Variants in USO1 observed in about 807,000 individuals in gnomAD.
USO1 encodes general vesicular transport factor p115.
A neutral mutation model predicts 124.5 loss-of-function variants in USO1; 57 were observed. The observed-to-expected ratio is 0.46, with a 90% CI of 0.37 to 0.57. The LOEUF (loss-of-function observed/expected upper bound fraction) is 0.57, where lower values mean the gene tolerates loss of function less well. Among genes scored for constraint, USO1 ranks in the 20% least tolerant of loss-of-function variants. USO1 has a pLI of 0.00. For missense variants in USO1, 900 were observed against 1,040.6 expected, an observed-to-expected ratio of 0.86 and a Z score of 1.86; for synonymous variants, 369 against 362.8, an observed-to-expected ratio of 1.02 and a Z score of -0.19.
At chr4:75,760,709 T>A (rs868277116) in intron 4 of USO1, 1 of 392,148 alleles carries the variant, frequency 2.6e-6, no homozygotes. Context: ...AAAAAAAAAA[T>A]CTGAAATTTG....
chr4:75,788,507 A>G (rs1434276253), intron 10 of USO1, among the ~76,000 whole-genome samples: 4 of 149,300 alleles, frequency 2.7e-5, no homozygotes, highest in Admixed American at 2.7e-4. Context: ...TGGTTCATTA[A>G]CTTTATTTTT....
chr4:75,803,534 C>T (rs967978861), intron 17 of USO1, among the ~76,000 whole-genome samples: 13 of 151,516 alleles, frequency 8.6e-5, no homozygotes, highest in Non-Finnish European at 1.8e-4. Context: ...CCTGTAATCC[C>T]AGCTACTCAG....
Position 75,782,730 on chromosome 4 carries a change from A to G in USO1, c.727A>G (p.Asn243Asp). The G allele has an allele frequency of 1.9e-6, 3 of 1,578,750 alleles. No homozygotes were observed. Among genetic ancestry groups the G allele is most frequent in the Non-Finnish European group, 2.6e-6 (3 of 1,162,098 alleles). The change falls in exon 9 of 24, where the codon AAC (asparagine) becomes GAC (aspartate). Residue 243 changes from asparagine to aspartate, a missense_variant. Transcript: ENST00000514213. ...TTTGCTCCAAAACTTATTAAAAAAC[A>G]ACAACTCCAATCAAAATTTTTTTAA... ...LILLQNLLKN[N>D]NSNQNFFKEG...
chr4:75,766,138 G>C (rs1456499503), intron 4 of USO1, among the ~76,000 whole-genome samples: 2 of 151,938 alleles, frequency 1.3e-5, no homozygotes, highest in African/African-American at 4.8e-5. Context: ...TTTTTTGATA[G>C]ATTGCATATA....
intron 4 of USO1, among the ~76,000 whole-genome samples, chr4:75,766,500 G>C (rs933602394): frequency 6.6e-6 from 1 of 152,148 alleles, no homozygotes; most frequent in African/African-American, 2.4e-5. Flanking sequence ...CGTCTAGTGG[G>C]TAAGGCCAGG....
chr4:75,790,745 C>A lies in USO1; in HGVS notation c.1188C>A (p.Asn396Lys). 1.2e-6 allele frequency: 2 copies of A among 1,612,442 alleles called. No individual in the cohort carries two copies. Among genetic ancestry groups the A allele is most frequent in the Non-Finnish European group, 1.7e-6 (2 of 1,179,232 alleles). The change falls in exon 12 of 24, where the codon AAC becomes AAA. Residue 396 changes from asparagine to lysine, a missense_variant. By Grantham distance (94) the Asn-to-Lys change is moderately conservative (BLOSUM62 0). This residue lies in a region of USO1 where 538 missense variants were observed against 681.6 expected (regional missense o/e 0.79). Coordinates refer to ENST00000514213, the MANE Select transcript of USO1 (RefSeq NM_003715.4). The stretch of plus-strand genomic sequence containing the variant: ...GTTTCCAGTGTTTCTTGTATAAAAA[C>A]CAAAAAGGACAAGGAGAAATCGTGT... ...LYCFQCFLYKNQKGQGEIVST... is the reference protein window; with the variant it reads ...LYCFQCFLYKKQKGQGEIVST...
intron 6 of USO1, 63 bp downstream of exon 6, chr4:75,770,987 GGGACT>G: frequency 6.3e-7 from 1 of 1,596,996 alleles, no homozygotes; most frequent in Non-Finnish European, 8.5e-7. Flanking sequence ...CCTAGAGAAA[GGGACT>G]GAAATGGTGT....
At chr4:75,727,865 C>G (rs1720509992) in intron 1 of USO1, among the ~76,000 whole-genome samples, 1 of 152,060 alleles carries the variant, frequency 6.6e-6, no homozygotes, top group Admixed American at 6.6e-5. Context: ...CTGTACTTTC[C>G]CCCAGCACGT....
chr4:75,746,406 G>T (rs1473019657), intron 1 of USO1, among the ~76,000 whole-genome samples: 1 of 152,214 alleles, frequency 6.6e-6, no homozygotes, highest in Admixed American at 6.5e-5. Context: ...AATGGACAAT[G>T]TGGCACAATT....
intron 7 of USO1, among the ~76,000 whole-genome samples, chr4:75,773,082 G>A (rs1338951551): frequency 1.3e-5 from 2 of 152,020 alleles, no homozygotes; most frequent in African/African-American, 4.8e-5. Flanking sequence ...TGGGCAACAA[G>A]AAAGTAACTC....
intron 13 of USO1, among the ~76,000 whole-genome samples, chr4:75,794,152 T>G (rs570438895): frequency 1.9e-4 from 29 of 152,180 alleles, no homozygotes; most frequent in African/African-American, 5.8e-4. Flanking sequence ...ATTTTGAGGG[T>G]TTTGTCTTGT....
intron 1 of USO1, 103 bp downstream of exon 1, chr4:75,724,988 G>T: frequency 7.5e-7 from 1 of 1,326,096 alleles, no homozygotes; most frequent in South Asian, 1.3e-5. Flanking sequence ...CACCATGGAG[G>T]GGGCATCCAC....
At chr4:75,726,152 A>G (rs1485384461) in intron 1 of USO1, among the ~76,000 whole-genome samples, 1 of 152,098 alleles carries the variant, frequency 6.6e-6, no homozygotes, top group Non-Finnish European at 1.5e-5. Context: ...GTGGTGGCAC[A>G]TGCCTGTAAT....
At chr4:75,724,998 C>T (rs1267940062) in intron 1 of USO1, 113 bp downstream of exon 1, 11 of 1,072,212 alleles carry the variant, frequency 1.0e-5, no homozygotes, top group South Asian at 2.9e-5. Flanking sequence ...GGGGCATCCA[C>T]ATGCCGCCTC....
chr4:75,809,128 G>A, intron 21 of USO1, 77 bp downstream of exon 21: 1 of 1,483,292 alleles, frequency 6.7e-7, no homozygotes, highest in East Asian at 2.5e-5. Flanking sequence ...CAATTAAAAA[G>A]AAACAAATTC....
intron 21 of USO1, among the ~76,000 whole-genome samples, chr4:75,810,125 T>G (rs1421384290): frequency 1.3e-5 from 2 of 152,236 alleles, no homozygotes; most frequent in Admixed American, 1.3e-4. Context: ...AAAAATATTC[T>G]GTGTTTATTA....
rs534605757 is a variant in USO1 at position 75,742,890 on chromosome 4, C to T, written c.67-9483C>T. On this transcript the variant is annotated intron_variant, in intron 1 of 23. Coordinates refer to ENST00000514213, the MANE Select transcript of USO1 (RefSeq NM_003715.4). ...GTGAGTTTATGAATTTTGCTTAAAACTACTAATCGTCTTCTTTGGTCGGTT... is the reference window on the plus strand; with the variant it reads ...GTGAGTTTATGAATTTTGCTTAAAATTACTAATCGTCTTCTTTGGTCGGTT... Among the ~76,000 whole-genome samples the T allele has an allele frequency of 4.6e-5, 7 of 152,254 alleles. No individual in the cohort carries two copies. The East Asian group carries it at 1.2e-3, about 25-fold the overall frequency.
At chr4:75,729,207 A>G (rs767068253) in intron 1 of USO1, among the ~76,000 whole-genome samples, 12 of 152,134 alleles carry the variant, frequency 7.9e-5, no homozygotes, top group Non-Finnish European at 1.5e-4. Flanking sequence ...TTATTATAGT[A>G]CAAATCCTAC....
intron 1 of USO1, among the ~76,000 whole-genome samples, chr4:75,727,674 C>T (rs1439467781): frequency 6.6e-6 from 1 of 152,080 alleles, no homozygotes; most frequent in African/African-American, 2.4e-5. Flanking sequence ...CTTGGAACCC[C>T]TAGCTTCTAT....
Sources: gnomAD v4.1 joint callset for allele counts (sites outside exome capture counted in the v4.1 genomes callset) on GRCh38, gnomAD v4.1.1 for gene constraint, gnomAD v4.1.1 regional missense constraint, MANE v1.5 for transcripts, NCBI Gene and HGNC (gene_info 2026-07-23, HGNC 2026-07-21) for gene names.